The following BNC2 variants were observed in gnomAD, a reference collection of about 807,000 sequenced individuals.
BNC2 encodes the protein basonuclin zinc finger protein 2.
In BNC2, 20 loss-of-function variants were observed where a neutral mutation model predicts 76.3. The ratio of observed to expected loss-of-function variants is 0.26; its 90% confidence interval spans 0.18 to 0.38. The LOEUF (loss-of-function observed/expected upper bound fraction) is 0.38. Ranked by LOEUF, BNC2 falls within the 10% of genes least tolerant of loss-of-function variation. BNC2 has a pLI of 1.00. For synonymous variants in BNC2, 582 were observed against 514.8 expected (o/e 1.13, Z -1.77); for missense variants, 1,382 against 1,399.8 (o/e 0.99, Z 0.20).
chr9:16,526,669 C>T (rs1235748091), intron 5 of BNC2, among the ~76,000 whole-genome samples: 1 of 151,940 alleles, frequency 6.6e-6, no homozygotes. Context: ...ATACAGTAGA[C>T]AATATATGCC....
chr9:16,625,452 GCT>G (rs2133646717), intron 3 of BNC2, among the ~76,000 whole-genome samples: 1 of 152,214 alleles, frequency 6.6e-6, no homozygotes, highest in East Asian at 1.9e-4. Context: ...ATAAACCTCA[GCT>G]CTTTTTCAGT....
At chr9:16,832,787 G>A (rs149885483) in intron 1 of BNC2, among the ~76,000 whole-genome samples, 2,989 of 151,810 alleles carry the variant, frequency 0.02, 97 homozygotes, top group African/African-American at 0.068. Context: ...GTGCAGTGGC[G>A]CGATCTCGGC....
At chr9:16,673,001 C>A (rs1822525207) in intron 3 of BNC2, among the ~76,000 whole-genome samples, 1 of 152,166 alleles carries the variant, frequency 6.6e-6, no homozygotes. Context: ...ATGACGCTGA[C>A]AATTTTCCTA....
chr9:16,599,479 A>C (rs980090767), intron 3 of BNC2, among the ~76,000 whole-genome samples: 1 of 152,166 alleles, frequency 6.6e-6, no homozygotes, highest in African/African-American at 2.4e-5. Context: ...CTTGTCTTTA[A>C]GTAAAGGTAA....
chr9:16,706,747 T>A (rs916750635), intron 3 of BNC2, among the ~76,000 whole-genome samples: 1 of 152,140 alleles, frequency 6.6e-6, no homozygotes, highest in Non-Finnish European at 1.5e-5. Context: ...TGCTAATTCA[T>A]GAGAGGACAG....
intron 1 of BNC2, among the ~76,000 whole-genome samples, chr9:16,758,843 C>A (rs1324327741): frequency 6.6e-6 from 1 of 152,128 alleles, no homozygotes; most frequent in East Asian, 1.9e-4. Context: ...ATCTTATTAT[C>A]ACAATCAAAA....
chr9:16,662,544 T>G (rs1822139690), intron 3 of BNC2, among the ~76,000 whole-genome samples: 1 of 152,122 alleles, frequency 6.6e-6, no homozygotes, highest in Admixed American at 6.5e-5. Flanking sequence ...AAGGCCAGCC[T>G]GGCCAATATG....
chr9:16,647,649 G>A (rs1382565783), intron 3 of BNC2, among the ~76,000 whole-genome samples: 2 of 151,818 alleles, frequency 1.3e-5, no homozygotes, highest in African/African-American at 4.8e-5. Flanking sequence ...GGGAGAGAGA[G>A]GGTTTATCAG....
At chr9:16,834,247 T>A (rs1818650606) in intron 1 of BNC2, among the ~76,000 whole-genome samples, 1 of 152,192 alleles carries the variant, frequency 6.6e-6, no homozygotes, top group Non-Finnish European at 1.5e-5. Context: ...AGTATTTAAT[T>A]TCTACTCTTA....
At chr9:16,837,785 G>C (rs1242405579) in intron 1 of BNC2, among the ~76,000 whole-genome samples, 4 of 152,114 alleles carry the variant, frequency 2.6e-5, no homozygotes, top group African/African-American at 9.6e-5. Flanking sequence ...CTGGTCTTAG[G>C]GCTCCTAAGC....
intron 1 of BNC2, among the ~76,000 whole-genome samples, chr9:16,744,008 C>G (rs1824927586): frequency 6.6e-6 from 1 of 151,640 alleles, no homozygotes; most frequent in Non-Finnish European, 1.5e-5. Flanking sequence ...GCTCTGTCAC[C>G]CAGGCTGGAG....
intron 5 of BNC2, among the ~76,000 whole-genome samples, chr9:16,455,432 G>A (rs1450694370): frequency 6.6e-6 from 1 of 152,210 alleles, no homozygotes; most frequent in Non-Finnish European, 1.5e-5. Flanking sequence ...AATACACAGA[G>A]TGGGGGGAGT....
chr9:16,527,908 G>C (rs1207068187), intron 5 of BNC2, among the ~76,000 whole-genome samples: 2 of 152,156 alleles, frequency 1.3e-5, no homozygotes, highest in Non-Finnish European at 2.9e-5. Flanking sequence ...CTGGAGCTCA[G>C]GTAAGAGGTG....
At chr9:16,764,865 A>G (rs958603229) in intron 1 of BNC2, among the ~76,000 whole-genome samples, 2 of 151,936 alleles carry the variant, frequency 1.3e-5, no homozygotes, top group South Asian at 4.2e-4. Flanking sequence ...AGAACTCAAA[A>G]TTATCCCAAA....
At chr9:16,445,505 A>T (rs1341041638) in intron 5 of BNC2, among the ~76,000 whole-genome samples, 4 of 150,930 alleles carry the variant, frequency 2.7e-5, no homozygotes, top group African/African-American at 7.3e-5. Flanking sequence ...TTTTTTTTTT[A>T]AATCAACATT....
At chr9:16,728,352 C>A (rs1326911724) in intron 2 of BNC2, 2 of 388,146 alleles carry the variant, frequency 5.2e-6, no homozygotes, top group African/African-American at 4.2e-5. Context: ...CCTGCACTAA[C>A]CCCTCTCCAG....
intron 4 of BNC2, among the ~76,000 whole-genome samples, chr9:16,560,247 AGGGAAC>A (rs1818968231): frequency 6.6e-6 from 1 of 152,244 alleles, no homozygotes; most frequent in African/African-American, 2.4e-5. Context: ...GGTATGTGTT[AGGGAAC>A]CATCTAAAGA....
At chr9:16,651,435 A>G (rs182998120) in intron 3 of BNC2, among the ~76,000 whole-genome samples, 17 of 152,244 alleles carry the variant, frequency 1.1e-4, no homozygotes, top group African/African-American at 3.9e-4. Context: ...ACTTCAAATG[A>G]TTCATATTAC....
At chr9:16,590,925 C>G (rs1162826524) in intron 3 of BNC2, among the ~76,000 whole-genome samples, 1 of 152,120 alleles carries the variant, frequency 6.6e-6, no homozygotes, top group Non-Finnish European at 1.5e-5. Context: ...CTGCAATAAA[C>G]AAACTAATGG....
Sources: gnomAD v4.1 joint callset for allele counts (sites outside exome capture counted in the v4.1 genomes callset) on GRCh38, gnomAD v4.1.1 for gene constraint, MANE v1.5 for transcripts, NCBI Gene and HGNC (gene_info 2026-07-23, HGNC 2026-07-21) for gene names.